AGBL1: variants seen among roughly 807,000 people sequenced by gnomAD.
The protein encoded by AGBL1 is cytosolic carboxypeptidase 4.
A neutral mutation model predicts 118.9 loss-of-function variants in AGBL1; 130 were observed. That is an observed-to-expected ratio of 1.09 (90% CI 0.95 to 1.26). The LOEUF (loss-of-function observed/expected upper bound fraction) is 1.26, where lower values mean the gene tolerates loss of function less well. AGBL1 is among the 50% of genes most tolerant of loss of function. AGBL1 has a pLI of 0.00. For missense variants in AGBL1, 1,584 were observed against 1,298.1 expected, an observed-to-expected ratio of 1.22 and a Z score of -3.38; for synonymous variants, 555 against 478.9, an observed-to-expected ratio of 1.16 and a Z score of -2.08.
intron 23 of AGBL1, among the ~76,000 whole-genome samples, chr15:86,969,339 T>A (rs994046512): frequency 1.3e-5 from 2 of 151,614 alleles, no homozygotes; most frequent in Admixed American, 1.3e-4. Context: ...AACAGACACG[T>A]TTTCCTTCCA....
At chr15:86,284,813 T>C (rs1330213157) in intron 16 of AGBL1, among the ~76,000 whole-genome samples, 1 of 152,050 alleles carries the variant, frequency 6.6e-6, no homozygotes, top group Non-Finnish European at 1.5e-5. Flanking sequence ...GAGTAGTTGA[T>C]AAAGGAAAGG....
chr15:86,736,276 A>G (rs1328671726), intron 22 of AGBL1, among the ~76,000 whole-genome samples: 1 of 151,944 alleles, frequency 6.6e-6, no homozygotes, highest in Non-Finnish European at 1.5e-5. Context: ...GCTACTCAGG[A>G]GGCTGAGGCA....
intron 18 of AGBL1, among the ~76,000 whole-genome samples, chr15:86,414,839 C>T (rs949811164): frequency 2.0e-5 from 3 of 152,074 alleles, no homozygotes; most frequent in East Asian, 1.9e-4. Flanking sequence ...ACATTAGCAT[C>T]GTGGCTAAGA....
chr15:86,114,766 T>C (rs749991793), intron 1 of AGBL1, among the ~76,000 whole-genome samples: 2 of 152,150 alleles, frequency 1.3e-5, no homozygotes, highest in Non-Finnish European at 2.9e-5. Context: ...ACCCACACCA[T>C]GCTTGCCCAC....
chr15:86,766,035 T>A (rs943918874), intron 22 of AGBL1, among the ~76,000 whole-genome samples: 1 of 152,034 alleles, frequency 6.6e-6, no homozygotes, highest in East Asian at 1.9e-4. Context: ...CAATATTTAC[T>A]GAGTGTTTAC....
chr15:86,480,091 TG>T (rs1555416908), intron 18 of AGBL1, among the ~76,000 whole-genome samples: 1 of 135,550 alleles, frequency 7.4e-6, no homozygotes, highest in Non-Finnish European at 1.6e-5. Context: ...TGTTGTGGGG[TG>T]GGGAGAGGGG....
chr15:86,938,806 A>G (rs1184842791), intron 23 of AGBL1: 1 of 152,124 alleles, frequency 6.6e-6, no homozygotes, highest in Admixed American at 6.5e-5. Context: ...GTAGAAGTGA[A>G]CTTCTCCCAA....
At chr15:86,606,635 A>T (rs1340290366) in intron 21 of AGBL1, among the ~76,000 whole-genome samples, 1 of 152,208 alleles carries the variant, frequency 6.6e-6, no homozygotes, top group East Asian at 1.9e-4. Context: ...CTGTGAAATT[A>T]GCATGCTTTG....
chr15:86,435,306 T>C (rs1213508850), intron 18 of AGBL1, among the ~76,000 whole-genome samples: 1 of 152,154 alleles, frequency 6.6e-6, no homozygotes, highest in Non-Finnish European at 1.5e-5. Flanking sequence ...CAGTTGGGGG[T>C]GACTGAGATC....
rs537396105 is a variant in AGBL1 at position 86,541,532 on chromosome 15, G to C, written c.2686-4470G>C. On this transcript the variant is annotated intron_variant, in intron 19 of 22. Coordinates refer to ENST00000614907, the MANE Select transcript of AGBL1 (RefSeq NM_001386094.1). ...ACCTGAGCCCAGGATCTCGAAGGTTGCAGTGAGCCATGATTGCACCACTGC... is the reference window on the plus strand; with the variant it reads ...ACCTGAGCCCAGGATCTCGAAGGTTCCAGTGAGCCATGATTGCACCACTGC... Among the ~76,000 whole-genome samples the C allele has an allele frequency of 1.6e-4, 23 of 146,370 alleles. No individual in the cohort carries two copies. The South Asian group carries it at 4.8e-3, about 30-fold the overall frequency.
At chr15:86,134,604 CTTTTTTTTTTTTTT>C (rs141645590) in intron 1 of AGBL1, among the ~76,000 whole-genome samples, 1 of 84,616 alleles carries the variant, frequency 1.2e-5, no homozygotes, top group Non-Finnish European at 2.4e-5. Flanking sequence ...TCAATGGTGC[CTTTTTTTTTTTTTT>C]TTTTTTTTTT....
At chr15:86,164,742 T>C (rs2077314065) in intron 5 of AGBL1, among the ~76,000 whole-genome samples, 1 of 152,254 alleles carries the variant, frequency 6.6e-6, no homozygotes, top group South Asian at 2.1e-4. Flanking sequence ...TCATAGCCAA[T>C]TGGAAATGGG....
chr15:86,660,799 A>C (rs2085525862), intron 21 of AGBL1, among the ~76,000 whole-genome samples: 1 of 152,080 alleles, frequency 6.6e-6, no homozygotes, highest in Non-Finnish European at 1.5e-5. Flanking sequence ...GCCATGCGTA[A>C]ATCTGCAGAC....
intron 19 of AGBL1, among the ~76,000 whole-genome samples, chr15:86,530,854 T>C (rs1156275310): frequency 1.4e-3 from 154 of 111,108 alleles, no homozygotes; most frequent in African/African-American, 5.6e-3. Context: ...TGCTCCTGAA[T>C]GACTACTGGG....
chr15:86,140,967 A>G (rs2076955189), intron 1 of AGBL1, among the ~76,000 whole-genome samples: 1 of 152,202 alleles, frequency 6.6e-6, no homozygotes, highest in South Asian at 2.1e-4. Flanking sequence ...GTGATGGGGA[A>G]TTATTGAGGC....
chr15:86,155,612 A>G (rs537459306), intron 4 of AGBL1, among the ~76,000 whole-genome samples: 177 of 152,322 alleles, frequency 1.2e-3, no homozygotes, highest in African/African-American at 4.1e-3. Context: ...ATGAGCATAG[A>G]CTTTCATTTC....
At chr15:86,129,138 A>G (rs1164877636) in intron 1 of AGBL1, among the ~76,000 whole-genome samples, 1 of 152,208 alleles carries the variant, frequency 6.6e-6, no homozygotes, top group African/African-American at 2.4e-5. Context: ...AATGAATATA[A>G]TGTCTCATTC....
At chr15:86,370,301 CT>C (rs5814238) in intron 17 of AGBL1, among the ~76,000 whole-genome samples, 17,601 of 130,844 alleles carry the variant, frequency 0.13, 934 homozygotes, top group Admixed American at 0.18. Flanking sequence ...GTCTCTATTC[CT>C]TTTTTTTTTT....
chr15:86,852,170 T>A (rs2079416460), intron 22 of AGBL1, among the ~76,000 whole-genome samples: 1 of 152,122 alleles, frequency 6.6e-6, no homozygotes, highest in Non-Finnish European at 1.5e-5. Context: ...TCAGGAAACT[T>A]ACAATCATGG....
Sources: gnomAD v4.1 joint callset for allele counts (sites outside exome capture counted in the v4.1 genomes callset) on GRCh38, gnomAD v4.1.1 for gene constraint, MANE v1.5 for transcripts, NCBI Gene and HGNC (gene_info 2026-07-23, HGNC 2026-07-21) for gene names.